The following AKAP6 variants were observed in gnomAD, a reference collection of about 807,000 sequenced individuals.
The protein encoded by AKAP6 is A-kinase anchoring protein 6.
In AKAP6, 58 loss-of-function variants were observed where a neutral mutation model predicts 188.5. That is an observed-to-expected ratio of 0.31 (90% CI 0.25 to 0.38). The LOEUF (loss-of-function observed/expected upper bound fraction) is 0.38, where lower values mean the gene tolerates loss of function less well. Among genes scored for constraint, AKAP6 ranks in the 10% least tolerant of loss-of-function variants. AKAP6 has a pLI of 1.00. For missense variants in AKAP6, 2,710 were observed against 2,740.0 expected, an observed-to-expected ratio of 0.99 and a Z score of 0.24; for synonymous variants, 989 against 998.6, an observed-to-expected ratio of 0.99 and a Z score of 0.18.
At chr14:32,529,558 G>A (rs140052154) in intron 2 of AKAP6, among the ~76,000 whole-genome samples, 3 of 152,224 alleles carry the variant, frequency 2.0e-5, no homozygotes, top group African/African-American at 4.8e-5. Flanking sequence ...CAGTCTTTGC[G>A]GGAAAACTTC....
chr14:32,490,893 A>T (rs1025202709), intron 2 of AKAP6, among the ~76,000 whole-genome samples: 4 of 152,236 alleles, frequency 2.6e-5, no homozygotes, highest in African/African-American at 9.6e-5. Flanking sequence ...ATATCAAGAA[A>T]TAATATAAAT....
chr14:32,430,799 AT>A (rs1359536246), intron 1 of AKAP6, among the ~76,000 whole-genome samples: 2 of 151,990 alleles, frequency 1.3e-5, no homozygotes, highest in African/African-American at 4.8e-5. Flanking sequence ...TCGATTAATA[AT>A]TTTTTTTAAA....
intron 11 of AKAP6, among the ~76,000 whole-genome samples, chr14:32,746,321 CTACATAG>C (rs2031909012): frequency 6.6e-6 from 1 of 152,160 alleles, no homozygotes; most frequent in Non-Finnish European, 1.5e-5. Flanking sequence ...CCAAGGCCCT[CTACATAG>C]TACCTGGGTA....
At chr14:32,616,696 A>G (rs919257835) in intron 7 of AKAP6, among the ~76,000 whole-genome samples, 1 of 152,180 alleles carries the variant, frequency 6.6e-6, no homozygotes, top group Non-Finnish European at 1.5e-5. Context: ...ACAAACCCCA[A>G]TAACAGGTTT....
intron 12 of AKAP6, among the ~76,000 whole-genome samples, chr14:32,795,307 C>G (rs1229164895): frequency 4.6e-5 from 7 of 152,158 alleles, no homozygotes; most frequent in Non-Finnish European, 8.8e-5. Context: ...CATCCTGATA[C>G]CAAAACCTGG....
intron 2 of AKAP6, 92 bp from the exon 3 acceptor site, chr14:32,535,462 G>C (rs1882629234): frequency 1.4e-6 from 2 of 1,419,942 alleles, no homozygotes; most frequent in Non-Finnish European, 1.9e-6. Flanking sequence ...CTGATAATTG[G>C]TGTTAGGTAA....
chr14:32,633,734 G>A (rs1004623024), intron 7 of AKAP6, among the ~76,000 whole-genome samples: 2 of 152,102 alleles, frequency 1.3e-5, no homozygotes, highest in African/African-American at 4.8e-5. Flanking sequence ...TAAGTGAGAA[G>A]TAAACATTTG....
intron 11 of AKAP6, among the ~76,000 whole-genome samples, chr14:32,771,973 T>C (rs2139987486): frequency 6.6e-6 from 1 of 152,188 alleles, no homozygotes; most frequent in East Asian, 1.9e-4. Context: ...TTGGCAGGTA[T>C]TAGGTGGCCT....
intron 7 of AKAP6, among the ~76,000 whole-genome samples, chr14:32,641,462 AC>A (rs1887750598): frequency 7.8e-6 from 1 of 128,828 alleles, no homozygotes; most frequent in South Asian, 3.0e-4. Flanking sequence ...AAATAGTGAA[AC>A]CCTGCTAAAA....
At chr14:32,401,372 C>T (rs1243668516) in intron 1 of AKAP6, among the ~76,000 whole-genome samples, 2 of 152,200 alleles carry the variant, frequency 1.3e-5, no homozygotes, top group Non-Finnish European at 2.9e-5. Context: ...ACCTGCCACC[C>T]CCAGCTACAG....
chr14:32,708,900 C>G (rs750885956), intron 9 of AKAP6, among the ~76,000 whole-genome samples: 1 of 151,992 alleles, frequency 6.6e-6, no homozygotes, highest in Non-Finnish European at 1.5e-5. Context: ...TTTCCCTCCT[C>G]TTCCTCACTC....
intron 12 of AKAP6, among the ~76,000 whole-genome samples, chr14:32,786,084 T>C (rs1302028324): frequency 6.6e-6 from 1 of 152,012 alleles, no homozygotes; most frequent in African/African-American, 2.4e-5. Context: ...TGGGTGCATC[T>C]GGGGAGACAG....
At chr14:32,493,435 T>C (rs1880145437) in intron 2 of AKAP6, among the ~76,000 whole-genome samples, 1 of 152,104 alleles carries the variant, frequency 6.6e-6, no homozygotes, top group African/African-American at 2.4e-5. Context: ...GGTTTTGTAC[T>C]CCAGGGCTCA....
At chr14:32,767,636 A>C (rs2032758568) in intron 11 of AKAP6, among the ~76,000 whole-genome samples, 1 of 152,038 alleles carries the variant, frequency 6.6e-6, no homozygotes, top group African/African-American at 2.4e-5. Context: ...ATGTTACAAA[A>C]ATTATGGCTT....
intron 3 of AKAP6, among the ~76,000 whole-genome samples, chr14:32,537,776 T>C (rs895373875): frequency 2.6e-5 from 4 of 152,208 alleles, no homozygotes; most frequent in Non-Finnish European, 5.9e-5. Context: ...GTTATTATTG[T>C]TCTGTGGAAT....
At chr14:32,619,032 TG>T (rs1489347401) in intron 7 of AKAP6, among the ~76,000 whole-genome samples, 3 of 151,968 alleles carry the variant, frequency 2.0e-5, no homozygotes, top group Non-Finnish European at 4.4e-5. Context: ...TGGGATTATT[TG>T]TTTTTTTTTT....
intron 7 of AKAP6, among the ~76,000 whole-genome samples, chr14:32,673,913 G>A (rs1326158653): frequency 1.3e-5 from 2 of 152,246 alleles, no homozygotes; most frequent in East Asian, 1.9e-4. Context: ...AGAAAAAAAT[G>A]TAAACCAGCA....
At chr14:32,666,017 A>G (rs145621067) in intron 7 of AKAP6, among the ~76,000 whole-genome samples, 1 of 152,206 alleles carries the variant, frequency 6.6e-6, no homozygotes, top group East Asian at 1.9e-4. Flanking sequence ...CCCTTAACTT[A>G]CTCATAGTAC....
chr14:32,748,184 A>G (rs990918420), intron 11 of AKAP6, among the ~76,000 whole-genome samples: 2 of 152,260 alleles, frequency 1.3e-5, no homozygotes, highest in African/African-American at 2.4e-5. Context: ...AAGGTATCTC[A>G]GTGCTCTCCA....
Sources: allele counts gnomAD v4.1 joint callset (sites outside exome capture counted in the v4.1 genomes callset), GRCh38; gene constraint gnomAD v4.1.1; transcripts MANE v1.5; gene names NCBI Gene and HGNC (gene_info 2026-07-23, HGNC 2026-07-21).